Variants in NEK3 observed in about 807,000 individuals in gnomAD.
NEK3 encodes the protein NIMA related kinase 3, also known as serine/threonine-protein kinase Nek3.
A neutral mutation model predicts 66.0 loss-of-function variants in NEK3; 54 were observed. That is an observed-to-expected ratio of 0.82 (90% CI 0.66 to 1.03). The LOEUF (loss-of-function observed/expected upper bound fraction) is 1.03, where lower values mean the gene tolerates loss of function less well. Ranked by LOEUF, NEK3 falls within the 50% of genes least tolerant of loss-of-function variation. The probability of loss-of-function intolerance (pLI) is 0.00; values close to 1 mark genes in which losing one functional copy is unlikely to be tolerated. For missense variants in NEK3, 593 were observed against 603.0 expected (o/e 0.98, Z 0.17); for synonymous variants, 200 against 206.2 (o/e 0.97, Z 0.26).
Position 52,136,921 on chromosome 13 carries a change from A to G in NEK3, c.928-19T>C. The G allele has an allele frequency of 6.8e-7, 1 of 1,478,964 alleles. No homozygotes were observed. The highest frequency in any genetic ancestry group is 9.1e-7 in the Non-Finnish European group (1 of 1,097,934). 91.6% of individuals were successfully genotyped at this position (1,478,964 alleles called of 1,614,324 possible). A position where few individuals can be genotyped will look rare whatever the true frequency, so the allele number is the denominator to read the frequency against. ...CCTCTTGCTTTAAAAGAGATTAACA[A>G]TACAGATTAAATAATGCTTGAATTG... On this transcript the variant is annotated intron_variant, in intron 11 of 15. Transcript: ENST00000610828.
intron 8 of NEK3, among the ~76,000 whole-genome samples, chr13:52,146,845 C>G (rs1208895136): frequency 6.6e-6 from 1 of 152,180 alleles, no homozygotes; most frequent in African/African-American, 2.4e-5. Flanking sequence ...GAGCTACTTT[C>G]ATCTGGTAGT....
intron 5 of NEK3, 150 bp downstream of exon 5, chr13:52,152,459 G>A (rs1956355849): frequency 8.3e-6 from 4 of 483,524 alleles, no homozygotes; most frequent in East Asian, 3.3e-5. Flanking sequence ...GAAAGGTGGG[G>A]GAATTTAAAT....
In NEK3 at chr13:52,151,381, G is replaced by C; in HGVS notation, c.405C>G (p.Leu135=). 6.3e-7 allele frequency: 1 copy of C among 1,586,182 alleles called. No individual in the cohort carries two copies. Among genetic ancestry groups the C allele is most frequent in the Non-Finnish European group, 8.6e-7 (1 of 1,165,540 alleles). The change falls in exon 6 of 16, where the codon CTC becomes CTG. Residue 135 remains leucine, a synonymous_variant. Coordinates refer to ENST00000610828, the MANE Select transcript of NEK3 (RefSeq NM_002498.3). The part of the protein sequence containing the change: ...HRDIKSKNIF[L]TQNGKVKLGD... ...CCAATTTCACTTTTCCATTCTGAGT[G>C]AGGAAGATATTCTGCATTTAAAAAG...
intron 8 of NEK3, among the ~76,000 whole-genome samples, chr13:52,146,996 C>G (rs1293965193): frequency 1.3e-5 from 2 of 152,110 alleles, no homozygotes; most frequent in Non-Finnish European, 1.5e-5. Context: ...TAGGAATTGG[C>G]CCTGCAGTTG....
At chr13:52,145,691 T>C (rs1020674435) in intron 8 of NEK3, among the ~76,000 whole-genome samples, 1 of 152,206 alleles carries the variant, frequency 6.6e-6, no homozygotes, top group Non-Finnish European at 1.5e-5. Context: ...GAAAATTTGA[T>C]GAGTAACACC....
At chr13:52,145,336 A>T (rs1260366879) in intron 8 of NEK3, among the ~76,000 whole-genome samples, 1 of 152,104 alleles carries the variant, frequency 6.6e-6, no homozygotes. Context: ...AGTTTTCTAC[A>T]GGTGGTTTTT....
intron 15 of NEK3, 143 bp from the exon 16 acceptor site, chr13:52,133,369 A>G: frequency 1.4e-6 from 1 of 714,804 alleles, no homozygotes; most frequent in Non-Finnish European, 2.3e-6. Context: ...AAAAATTGCC[A>G]GTTCTTCCAA....
Position 52,133,194 on chromosome 13 carries a change from C to G in NEK3, c.1469G>C (p.Trp490Ser). ...AGCTCGCTTCTTCAGCTCTGACACCCAGTCGGGGTTGTCATCTTCCTCCTC... is the reference window on the plus strand; with the variant it reads ...AGCTCGCTTCTTCAGCTCTGACACCGAGTCGGGGTTGTCATCTTCCTCCTC... ...DFEEEDDNPDWVSELKKRAGW... is the reference protein window; with the variant it reads ...DFEEEDDNPDSVSELKKRAGW... Residue 490 changes from tryptophan (W) to serine (S), a missense_variant, in exon 16 of 16, where the codon TGG (tryptophan) becomes TCG (serine). Physicochemically the swap from Trp to Ser is radical, Grantham distance 177 (BLOSUM62 -3). Coordinates refer to ENST00000610828, the MANE Select transcript of NEK3 (RefSeq NM_002498.3). 3.1e-6 allele frequency: 5 copies of G among 1,610,054 alleles called. No homozygotes were observed. The highest frequency in any genetic ancestry group is 4.2e-6 in the Non-Finnish European group (5 of 1,178,296).
At chr13:52,139,217 T>G (rs1956228626) in intron 11 of NEK3, among the ~76,000 whole-genome samples, 1 of 152,198 alleles carries the variant, frequency 6.6e-6, no homozygotes, top group Non-Finnish European at 1.5e-5. Context: ...TTACTCAGCT[T>G]CAGCACAGCA....
chr13:52,156,426 C>T (rs909253595), intron 1 of NEK3, 178 bp from the exon 2 acceptor site: 1 of 342,310 alleles, frequency 2.9e-6, no homozygotes, highest in African/African-American at 2.1e-5. Context: ...GAGCTGAAAC[C>T]AATTTGCTCT....
intron 10 of NEK3, among the ~76,000 whole-genome samples, chr13:52,143,322 A>AG (rs1956266651): frequency 2.0e-5 from 3 of 151,888 alleles, no homozygotes; most frequent in Non-Finnish European, 2.9e-5. Flanking sequence ...ATTTCAAAAA[A>AG]AAAAAACAAG....
chr13:52,150,740 C>A (rs1254237227), intron 7 of NEK3, among the ~76,000 whole-genome samples: 1 of 152,150 alleles, frequency 6.6e-6, no homozygotes, highest in African/African-American at 2.4e-5. Flanking sequence ...ATTGGAATCA[C>A]CCAGTGATCT....
intron 10 of NEK3, among the ~76,000 whole-genome samples, chr13:52,142,075 A>G (rs1420275277): frequency 4.0e-5 from 6 of 151,700 alleles, no homozygotes; most frequent in South Asian, 2.1e-4. Flanking sequence ...AGACACAGTG[A>G]GACTCTGTCT....
rs766830561 is a variant in NEK3, at chr13:52,135,881, A to T, written c.1175-18T>A. On this transcript the variant is annotated intron_variant, in intron 13 of 15. Coordinates refer to ENST00000610828, the MANE Select transcript of NEK3 (RefSeq NM_002498.3). ...AGAACCACCTAGTTGCAAAAAGACA[A>T]AAATTAGTGCTGAATAAAAAAAGAT... The T allele has an allele frequency of 6.2e-7, 1 of 1,604,818 alleles. No homozygotes were observed. Among genetic ancestry groups the T allele is most frequent in the Admixed American group, 1.7e-5 (1 of 57,410 alleles).
chr13:52,153,803 C>T, intron 4 of NEK3, 92 bp downstream of exon 4: 2 of 830,760 alleles, frequency 2.4e-6, no homozygotes, highest in Non-Finnish European at 3.9e-6. Flanking sequence ...CGGGTAATTA[C>T]AGATATCAAT....
intron 15 of NEK3, among the ~76,000 whole-genome samples, chr13:52,133,479 CA>C (rs1206517679): frequency 1.3e-5 from 2 of 151,982 alleles, no homozygotes; most frequent in Non-Finnish European, 2.9e-5. Context: ...GTGTAGGGCT[CA>C]ATCAGGAATT....
At position 52,144,837 on chromosome 13, in the gene NEK3, T is replaced by G. The variant is rs1956281345; in HGVS notation, c.658A>C (p.Ser220Arg). The G allele has an allele frequency of 6.2e-7, 1 of 1,612,964 alleles. No homozygotes were observed. The highest frequency in any genetic ancestry group is 8.5e-7 in the Non-Finnish European group (1 of 1,179,406). The stretch of plus-strand genomic sequence containing the variant: ...TAGGAGTAATGAGACGGCAGTGGAC[T>G]GATGCACCCTTGACATACTTTGAGG... ...LILKVCQGCI[S>R]PLPSHYSYEL... Residue 220 changes from serine to arginine, a missense_variant, in exon 9 of 16, where the codon AGT becomes CGT. Ser to Arg is a moderately radical substitution (Grantham distance 110, BLOSUM62 -1). Coordinates refer to ENST00000610828, the MANE Select transcript of NEK3 (RefSeq NM_002498.3).
At position 52,148,464 on chromosome 13, in the gene NEK3, A is replaced by C; in HGVS notation, c.554T>G (p.Ile185Ser). Residue 185 changes from isoleucine (I) to serine (S), a missense_variant, in exon 8 of 16, where the codon ATC (isoleucine) becomes AGC (serine). Physicochemically the swap from Ile to Ser is moderately radical, Grantham distance 142. Transcript: ENST00000610828. Reference sequence around the variant, plus strand: ...ATACAGGATGCAACCCAAGGACCAGATGTCACTGAAAGCATAAAGAAGCAA... The same window carrying C: ...ATACAGGATGCAACCCAAGGACCAGCTGTCACTGAAAGCATAAAGAAGCAA... Reference protein sequence around the residue: ...ENLPYNNKSDIWSLGCILYEL... With the variant: ...ENLPYNNKSDSWSLGCILYEL... 6.2e-7 allele frequency: 1 copy of C among 1,613,614 alleles called. No homozygotes were observed. The highest frequency in any genetic ancestry group is 8.5e-7 in the Non-Finnish European group (1 of 1,179,670).
chr13:52,138,021 G>A (rs1405636221), intron 11 of NEK3, among the ~76,000 whole-genome samples: 2 of 152,212 alleles, frequency 1.3e-5, no homozygotes, highest in African/African-American at 4.8e-5. Flanking sequence ...TTTAGGGGAT[G>A]GAAATTCTTT....
Sources: gnomAD v4.1 joint callset for allele counts (sites outside exome capture counted in the v4.1 genomes callset) on GRCh38, gnomAD v4.1.1 for gene constraint, MANE v1.5 for transcripts, NCBI Gene and HGNC (gene_info 2026-07-23, HGNC 2026-07-21) for gene names.